The following ABHD12 variants were observed in gnomAD, a reference collection of about 807,000 sequenced individuals.
ABHD12 encodes the protein abhydrolase domain containing 12, lysophospholipase, also known as lysophosphatidylserine lipase ABHD12.
In ABHD12, 43 loss-of-function variants were observed where a neutral mutation model predicts 58.3. The ratio of observed to expected loss-of-function variants is 0.74; its 90% CI spans 0.58 to 0.95. The LOEUF (loss-of-function observed/expected upper bound fraction) is 0.95, where lower values mean the gene tolerates loss of function less well. ABHD12 is among the 40% of genes least tolerant of loss of function. The probability of loss-of-function intolerance (pLI) is 0.00; values close to 1 mark genes in which losing one functional copy is unlikely to be tolerated. For missense variants in ABHD12, 539 were observed against 537.2 expected (o/e 1.00, Z -0.03); for synonymous variants, 219 against 211.2 (o/e 1.04, Z -0.32).
At chr20:25,353,534 G>A (rs143955402) in intron 1 of ABHD12, among the ~76,000 whole-genome samples, 130 of 152,232 alleles carry the variant, frequency 8.5e-4, no homozygotes, top group African/African-American at 2.6e-3. Flanking sequence ...GGCCCCAAAG[G>A]GAAAAACACA....
chr20:25,333,944 G>C (rs1250663193), intron 2 of ABHD12, among the ~76,000 whole-genome samples: 3 of 152,200 alleles, frequency 2.0e-5, no homozygotes, highest in Non-Finnish European at 2.9e-5. Flanking sequence ...CACAGTGTTG[G>C]AAGTGCTGGC....
At chr20:25,307,068 C>T (rs1297234650) in intron 9 of ABHD12, among the ~76,000 whole-genome samples, 153 bp from the exon 10 acceptor site, 1 of 152,186 alleles carries the variant, frequency 6.6e-6, no homozygotes, top group East Asian at 1.9e-4. Context: ...AAGGGGCCAC[C>T]AGAGCTGTGC....
intron 1 of ABHD12, among the ~76,000 whole-genome samples, chr20:25,346,243 A>G (rs2089516793): frequency 6.6e-6 from 1 of 152,188 alleles, no homozygotes; most frequent in Admixed American, 6.5e-5. Context: ...ATACTATATG[A>G]CTCCAACTAT....
chr20:25,333,645 G>A (rs2089314902), intron 2 of ABHD12, among the ~76,000 whole-genome samples: 1 of 151,752 alleles, frequency 6.6e-6, no homozygotes, highest in Non-Finnish European at 1.5e-5. Context: ...ATGCAAGGTT[G>A]GTTCAATATA....
At chr20:25,335,709 A>C (rs972461795) in intron 2 of ABHD12, among the ~76,000 whole-genome samples, 1 of 150,198 alleles carries the variant, frequency 6.7e-6, no homozygotes, top group African/African-American at 2.5e-5. Flanking sequence ...TTGCAAGATC[A>C]AAAAACCAAA....
intron 1 of ABHD12, among the ~76,000 whole-genome samples, chr20:25,347,616 T>C (rs1032284975): frequency 3.3e-5 from 5 of 151,912 alleles, no homozygotes; most frequent in Non-Finnish European, 2.9e-5. Flanking sequence ...CTTGAGCACC[T>C]TGAGTTTGAA....
intron 1 of ABHD12, 36 bp downstream of exon 1, chr20:25,390,477 G>GGGGGGCCCC: frequency 9.1e-5 from 9 of 98,488 alleles, no homozygotes; most frequent in Admixed American, 5.7e-4. Context: ...TGAGGGACCG[G>GGGGGGCCCC]CCCCCCCCCC....
chr20:25,371,994 T>C (rs979848421), intron 1 of ABHD12, among the ~76,000 whole-genome samples: 29 of 152,190 alleles, frequency 1.9e-4, no homozygotes, highest in African/African-American at 7.0e-4. Context: ...GTGAGCTACT[T>C]TGTAATTTCA....
In ABHD12 at chr20:25,309,508, G is replaced by C. The variant is rs1053316464; in HGVS notation, c.687C>G (p.Asp229Glu). 1.2e-6 allele frequency: 2 copies of C among 1,614,224 alleles called. No individual in the cohort carries two copies. The highest frequency in any genetic ancestry group is 4.5e-5 in the East Asian group (2 of 44,892). ...GMTYDALHVFDWIKARSGDNP... is the reference protein window; with the variant it reads ...GMTYDALHVFEWIKARSGDNP... ...TGTCACCACTTCTTGCTTTGATCCA[G>C]TCAAAAACGTGGAGTGCGTCATAGG... The change falls in exon 7 of 13, where the codon GAC (aspartate) becomes GAG (glutamate). Residue 229 changes from aspartate (D) to glutamate (E), a missense_variant. Asp to Glu is a conservative substitution (Grantham distance 45). Coordinates refer to ENST00000339157, the MANE Select transcript of ABHD12 (RefSeq NM_001042472.3).
At chr20:25,364,811 C>T (rs1484678347) in intron 1 of ABHD12, among the ~76,000 whole-genome samples, 1 of 152,206 alleles carries the variant, frequency 6.6e-6, no homozygotes, top group African/African-American at 2.4e-5. Context: ...AAGAGTAACT[C>T]TGGGCAAACA....
At chr20:25,370,766 C>T (rs552493652) in intron 1 of ABHD12, among the ~76,000 whole-genome samples, 13 of 152,084 alleles carry the variant, frequency 8.5e-5, no homozygotes, top group Non-Finnish European at 1.2e-4. Context: ...AATTCACACA[C>T]GTAAAGCGCT....
intron 5 of ABHD12, among the ~76,000 whole-genome samples, chr20:25,315,987 G>A (rs1486403706): frequency 1.3e-5 from 2 of 152,262 alleles, no homozygotes; most frequent in African/African-American, 2.4e-5. Flanking sequence ...AAGCAACCAA[G>A]CACAAGTGAA....
At chr20:25,375,239 C>T (rs1310692904) in intron 1 of ABHD12, among the ~76,000 whole-genome samples, 1 of 152,212 alleles carries the variant, frequency 6.6e-6, no homozygotes, top group Non-Finnish European at 1.5e-5. Context: ...AGAAAATAAA[C>T]TTCTGCCATT....
chr20:25,325,051 T>C (rs1366513579), intron 2 of ABHD12, among the ~76,000 whole-genome samples: 1 of 151,314 alleles, frequency 6.6e-6, no homozygotes, highest in African/African-American at 2.4e-5. Context: ...ACAAAAAATA[T>C]AAAAATTACC....
intron 8 of ABHD12, 52 bp downstream of exon 8, chr20:25,308,405 G>C: frequency 6.3e-7 from 1 of 1,597,026 alleles, no homozygotes; most frequent in East Asian, 2.3e-5. Flanking sequence ...GCCGGGACTG[G>C]GGAGCACCCT....
At chr20:25,348,188 C>T (rs935220995) in intron 1 of ABHD12, among the ~76,000 whole-genome samples, 3 of 149,930 alleles carry the variant, frequency 2.0e-5, no homozygotes, top group Non-Finnish European at 4.4e-5. Flanking sequence ...CCAGCATGGG[C>T]AACAGAGCAA....
chr20:25,300,951 C>CA, intron 12 of ABHD12, 67 bp from the exon 13 acceptor site: 2 of 1,516,434 alleles, frequency 1.3e-6, no homozygotes, highest in Non-Finnish European at 1.8e-6. Context: ...CCACAGTCCT[C>CA]ACACTGCTAT....
chr20:25,377,695 G>GT (rs1204899707), intron 1 of ABHD12, among the ~76,000 whole-genome samples: 1 of 152,042 alleles, frequency 6.6e-6, no homozygotes, highest in Non-Finnish European at 1.5e-5. Flanking sequence ...CCCACCTCTA[G>GT]TTTTTTTGTT....
chr20:25,305,765 G>A (rs1568712887), intron 10 of ABHD12, among the ~76,000 whole-genome samples: 1 of 152,094 alleles, frequency 6.6e-6, no homozygotes, highest in Non-Finnish European at 1.5e-5. Context: ...CCCTTAACTA[G>A]AATACTTAAC....
Sources: gnomAD v4.1 joint callset for allele counts (sites outside exome capture counted in the v4.1 genomes callset) on GRCh38, gnomAD v4.1.1 for gene constraint, MANE v1.5 for transcripts, NCBI Gene and HGNC (gene_info 2026-07-23, HGNC 2026-07-21) for gene names.